Variants in LMBRD1 observed in about 807,000 individuals in gnomAD.
The protein encoded by LMBRD1 is LMBR1 domain containing 1, also known as lysosomal cobalamin transport escort protein LMBD1.
LMBRD1 carries 64 observed loss-of-function variants against 74.8 expected under a neutral mutation model. The ratio of observed to expected loss-of-function variants is 0.86; its 90% confidence interval spans 0.70 to 1.05. LMBRD1 has a LOEUF of 1.05. Ranked by LOEUF, LMBRD1 falls within the 50% of genes least tolerant of loss-of-function variation. LMBRD1 has a pLI of 0.00. For synonymous variants in LMBRD1, 204 were observed against 216.3 expected, an observed-to-expected ratio of 0.94 and a Z score of 0.50; for missense variants, 652 against 645.9, an observed-to-expected ratio of 1.01 and a Z score of -0.10.
At chr6:69,781,578 G>T (rs1765836195) in intron 2 of LMBRD1, among the ~76,000 whole-genome samples, 1 of 151,868 alleles carries the variant, frequency 6.6e-6, no homozygotes, top group African/African-American at 2.4e-5. Context: ...GCTGATAAAT[G>T]CCTAAAATAT....
chr6:69,743,163 T>C (rs746251247), intron 5 of LMBRD1, among the ~76,000 whole-genome samples: 1 of 152,172 alleles, frequency 6.6e-6, no homozygotes, highest in Non-Finnish European at 1.5e-5. Context: ...TTCCTTTATT[T>C]GGACAGTTTG....
At chr6:69,764,463 T>C (rs1765438897) in intron 3 of LMBRD1, among the ~76,000 whole-genome samples, 1 of 152,200 alleles carries the variant, frequency 6.6e-6, no homozygotes, top group African/African-American at 2.4e-5. Flanking sequence ...AAATACATGT[T>C]CGTTAAGACT....
chr6:69,759,008 G>C (rs1765321649), intron 3 of LMBRD1, among the ~76,000 whole-genome samples: 1 of 152,042 alleles, frequency 6.6e-6, no homozygotes, highest in South Asian at 2.1e-4. Context: ...AAGTGGCCTG[G>C]TAGAAATCAT....
chr6:69,687,536 A>G (rs1765789843), intron 14 of LMBRD1, among the ~76,000 whole-genome samples: 1 of 152,178 alleles, frequency 6.6e-6, no homozygotes, highest in African/African-American at 2.4e-5. Context: ...GTAAAATTAA[A>G]TGACCTATGT....
chr6:69,740,079 CG>C (rs1234370117), intron 6 of LMBRD1, among the ~76,000 whole-genome samples: 1 of 151,884 alleles, frequency 6.6e-6, no homozygotes, highest in African/African-American at 2.4e-5. Flanking sequence ...GCACTCTAGC[CG>C]GGGTGACAGA....
chr6:69,749,532 T>C, intron 4 of LMBRD1, 124 bp from the exon 5 acceptor site: 2 of 750,040 alleles, frequency 2.7e-6, no homozygotes, highest in East Asian at 2.7e-5. Context: ...GAAACTAAGG[T>C]TGAAAAACAA....
intron 5 of LMBRD1, among the ~76,000 whole-genome samples, chr6:69,745,244 T>A (rs960068210): frequency 6.9e-6 from 1 of 145,604 alleles, no homozygotes; most frequent in Non-Finnish European, 1.5e-5. Flanking sequence ...AGGACAAAAT[T>A]AAAAATTTCT....
intron 5 of LMBRD1, among the ~76,000 whole-genome samples, 162 bp downstream of exon 5, chr6:69,749,179 C>T (rs1179644573): frequency 6.6e-6 from 1 of 151,850 alleles, no homozygotes; most frequent in East Asian, 1.9e-4. Flanking sequence ...ATAGACAAAA[C>T]TGTTAAATTG....
intron 14 of LMBRD1, among the ~76,000 whole-genome samples, chr6:69,689,254 A>G (rs1468073850): frequency 6.6e-6 from 1 of 152,102 alleles, no homozygotes; most frequent in Non-Finnish European, 1.5e-5. Context: ...AAATAAGAAA[A>G]GAAAGTTAAG....
At chr6:69,699,706 T>C (rs1260093055) in intron 12 of LMBRD1, among the ~76,000 whole-genome samples, 1 of 151,822 alleles carries the variant, frequency 6.6e-6, no homozygotes, top group African/African-American at 2.4e-5. Flanking sequence ...AACTGAAATA[T>C]AAGGAACCAG....
chr6:69,790,191 C>A, intron 2 of LMBRD1, 105 bp downstream of exon 2: 1 of 779,856 alleles, frequency 1.3e-6, no homozygotes, highest in East Asian at 2.7e-5. Flanking sequence ...TATTTCCATT[C>A]TCATTCATTC....
At chr6:69,731,771 T>C (rs990022396) in intron 7 of LMBRD1, among the ~76,000 whole-genome samples, 14 of 152,096 alleles carry the variant, frequency 9.2e-5, no homozygotes, top group Non-Finnish European at 1.6e-4. Flanking sequence ...ATTTTCAACT[T>C]ACGATGGATT....
At chr6:69,720,182 T>C (rs771790164) in intron 7 of LMBRD1, among the ~76,000 whole-genome samples, 3 of 152,158 alleles carry the variant, frequency 2.0e-5, no homozygotes, top group Admixed American at 6.5e-5. Context: ...GCTTTTTTTT[T>C]AATTAAGGGA....
In LMBRD1 at chr6:69,773,562, C is replaced by T. The variant is rs77782241; in HGVS notation, c.307+6932G>A. On this transcript the variant is annotated intron_variant, in intron 3 of 15. Coordinates refer to ENST00000649934, the MANE Select transcript of LMBRD1 (RefSeq NM_018368.4). The stretch of plus-strand genomic sequence containing the variant: ...TAGAAACTGGAACTGAAAAGCTTCC[C>T]GGTCCATCTTATTCTCCCTTAGTTC... Among the ~76,000 whole-genome samples the T allele has an allele frequency of 7.1e-3, 1,074 of 152,190 alleles. 23 individuals are homozygous for T. In the East Asian group the frequency reaches 0.078, roughly 11 times the overall value.
rs78032316 is a variant in LMBRD1 at position 69,745,668 on chromosome 6, T to A, written c.473+3673A>T. ...TGAAACATCATATTACCCTTCCTTT[T>A]TTGAGGGGAGGGGAAATCTAAATTC... On this transcript the variant is annotated intron_variant, in intron 5 of 15. Transcript: ENST00000649934. Among the ~76,000 whole-genome samples, 386 of 152,298 alleles carry A rather than the reference T, an allele frequency of 2.5e-3. 2 individuals are homozygous for A. Among genetic ancestry groups the A allele is most frequent in the African/African-American group, 8.8e-3 (365 of 41,560 alleles).
At chr6:69,688,814 G>A (rs924184501) in intron 14 of LMBRD1, among the ~76,000 whole-genome samples, 2 of 151,948 alleles carry the variant, frequency 1.3e-5, no homozygotes, top group Non-Finnish European at 1.5e-5. Flanking sequence ...GTTTATGCAC[G>A]AAAGCATTTA....
chr6:69,711,159 T>C lies in LMBRD1; in HGVS notation c.915+2486A>G, dbSNP rs79576895. On this transcript the variant is annotated intron_variant, in intron 9 of 15. Coordinates refer to ENST00000649934, the MANE Select transcript of LMBRD1 (RefSeq NM_018368.4). ...TAAACCACTGGGCAAAAAAATAGTA[T>C]TAAATAATAACATGAGCAAATCTCA... Among the ~76,000 whole-genome samples the C allele has an allele frequency of 7.0e-3, 1,068 of 152,192 alleles. 22 individuals are homozygous for C. The East Asian group carries it at 0.078, about 11-fold the overall frequency.
chr6:69,792,977 A>G (rs1280813894), intron 1 of LMBRD1, among the ~76,000 whole-genome samples: 1 of 152,182 alleles, frequency 6.6e-6, no homozygotes, highest in African/African-American at 2.4e-5. Flanking sequence ...CTTTTTGTTC[A>G]TGTTATCAAT....
At chr6:69,725,234 T>C (rs1766703640) in intron 7 of LMBRD1, among the ~76,000 whole-genome samples, 1 of 151,952 alleles carries the variant, frequency 6.6e-6, no homozygotes, top group South Asian at 2.1e-4. Context: ...TGAAGAAATA[T>C]TCCATGTTCA....
Sources: allele counts gnomAD v4.1 joint callset (sites outside exome capture counted in the v4.1 genomes callset), GRCh38; gene constraint gnomAD v4.1.1; transcripts MANE v1.5; gene names NCBI Gene and HGNC (gene_info 2026-07-23, HGNC 2026-07-21).